ESRRG: variants seen among roughly 807,000 people sequenced by gnomAD.
ESRRG encodes estrogen related receptor gamma.
Under a neutral mutation model 44.0 loss-of-function variants are expected in ESRRG, and 13 were observed. The ratio of observed to expected loss-of-function variants is 0.30; its 90% CI spans 0.19 to 0.47. The LOEUF (loss-of-function observed/expected upper bound fraction) is 0.47, where lower values mean the gene tolerates loss of function less well. Among genes scored for constraint, ESRRG ranks in the 20% least tolerant of loss-of-function variants. The pLI is 1.00. For missense variants in ESRRG, 395 were observed against 580.6 expected (o/e 0.68, Z 3.29); for synonymous variants, 215 against 214.6 (o/e 1.00, Z -0.02).
chr1:216,773,803 T>C (rs1351804934), intron 2 of ESRRG, among the ~76,000 whole-genome samples: 3 of 152,126 alleles, frequency 2.0e-5, no homozygotes, highest in Admixed American at 1.3e-4. Context: ...GATCATGCAC[T>C]TTTAGAAATG....
intron 5 of ESRRG, among the ~76,000 whole-genome samples, chr1:216,526,048 AAG>A (rs2047552912): frequency 6.6e-6 from 1 of 152,178 alleles, no homozygotes; most frequent in Non-Finnish European, 1.5e-5. Context: ...CAAGCCTTTA[AAG>A]AGTCTGTGGA....
At chr1:217,122,664 CTT>C (rs10716545) in intron 1 of ESRRG, among the ~76,000 whole-genome samples, 9,826 of 87,140 alleles carry the variant, frequency 0.11, 305 homozygotes, top group Non-Finnish European at 0.14. Context: ...GACACACACA[CTT>C]TTTTTTTTTT....
intron 1 of ESRRG, among the ~76,000 whole-genome samples, chr1:217,017,478 CAAA>C (rs55820027): frequency 8.5e-5 from 7 of 82,488 alleles, no homozygotes; most frequent in African/African-American, 4.5e-5. Flanking sequence ...CTACATAACT[CAAA>C]AAAAAAAAAA....
At chr1:216,564,123 C>T in intron 5 of ESRRG, 96 bp downstream of exon 5, 1 of 682,532 alleles carries the variant, frequency 1.5e-6, no homozygotes. Context: ...TTTTTTAAGT[C>T]TAAATGAGAA....
intron 3 of ESRRG, among the ~76,000 whole-genome samples, chr1:216,575,905 G>C (rs2061604155): frequency 6.6e-6 from 1 of 152,048 alleles, no homozygotes. Flanking sequence ...TTACTCAAAA[G>C]GGCTAGGCGA....
intron 3 of ESRRG, among the ~76,000 whole-genome samples, chr1:216,593,737 C>CT (rs1163216280): frequency 6.6e-6 from 1 of 152,150 alleles, no homozygotes; most frequent in Admixed American, 6.6e-5. Flanking sequence ...TTCATACTGA[C>CT]TTTTTGTGTG....
chr1:216,716,380 T>G (rs1243673639), intron 1 of ESRRG, among the ~76,000 whole-genome samples: 1 of 152,036 alleles, frequency 6.6e-6, no homozygotes, highest in African/African-American at 2.4e-5. Flanking sequence ...CAATCTGATA[T>G]GAGAATTTAT....
At chr1:217,040,157 G>C (rs2083585315) in intron 1 of ESRRG, among the ~76,000 whole-genome samples, 1 of 152,152 alleles carries the variant, frequency 6.6e-6, no homozygotes, top group African/African-American at 2.4e-5. Context: ...TGGTTCATAA[G>C]AACTATGTTG....
At chr1:216,569,493 C>T (rs759855985) in intron 3 of ESRRG, among the ~76,000 whole-genome samples, 8 of 151,928 alleles carry the variant, frequency 5.3e-5, no homozygotes, top group Non-Finnish European at 1.2e-4. Flanking sequence ...AGGAAAAAGC[C>T]AAGGGAATGA....
At chr1:216,978,469 G>T (rs1212818097) in intron 1 of ESRRG, among the ~76,000 whole-genome samples, 2 of 152,150 alleles carry the variant, frequency 1.3e-5, no homozygotes, top group African/African-American at 2.4e-5. Flanking sequence ...GTTTCACACA[G>T]AGAATAAAAT....
intron 2 of ESRRG, among the ~76,000 whole-genome samples, chr1:216,897,986 C>T (rs1307942746): frequency 6.6e-6 from 1 of 152,160 alleles, no homozygotes; most frequent in Non-Finnish European, 1.5e-5. Flanking sequence ...ATACGATAGG[C>T]TTTCCTCATC....
At chr1:216,681,220 C>A (rs2076977094) in intron 1 of ESRRG, among the ~76,000 whole-genome samples, 1 of 152,068 alleles carries the variant, frequency 6.6e-6, no homozygotes, top group Non-Finnish European at 1.5e-5. Context: ...CTGAATGAAC[C>A]CCCTGAGAAT....
intron 1 of ESRRG, among the ~76,000 whole-genome samples, chr1:216,960,890 C>T (rs1378195840): frequency 6.6e-6 from 1 of 152,094 alleles, no homozygotes; most frequent in Non-Finnish European, 1.5e-5. Context: ...CAGGCCTGGC[C>T]CAGTTCCTTC....
At chr1:216,569,261 G>GAGGAAGGAAAGAAGGA (rs1461755137) in intron 3 of ESRRG, among the ~76,000 whole-genome samples, 1 of 141,408 alleles carries the variant, frequency 7.1e-6, no homozygotes, top group Non-Finnish European at 1.5e-5. Context: ...GGAAAGGAGG[G>GAGGAAGGAAAGAAGGA]AGGAAGGAAA....
intron 6 of ESRRG, among the ~76,000 whole-genome samples, chr1:216,514,077 T>C (rs1441365158): frequency 2.6e-5 from 4 of 152,130 alleles, no homozygotes. Context: ...GCCAAAGCTA[T>C]TTGCAGCAAA....
intron 1 of ESRRG, among the ~76,000 whole-genome samples, chr1:216,957,909 C>T (rs2068265216): frequency 6.6e-6 from 1 of 152,122 alleles, no homozygotes; most frequent in Admixed American, 6.6e-5. Flanking sequence ...TCCTATCATC[C>T]CCAAAAGTTT....
chr1:216,900,479 T>TA (rs1476977792), intron 2 of ESRRG, among the ~76,000 whole-genome samples: 1 of 152,182 alleles, frequency 6.6e-6, no homozygotes, highest in Non-Finnish European at 1.5e-5. Flanking sequence ...CTGAAGCACT[T>TA]AGAGAATTGA....
chr1:216,532,177 C>A (rs747903487), intron 5 of ESRRG, among the ~76,000 whole-genome samples: 1 of 151,458 alleles, frequency 6.6e-6, no homozygotes, highest in East Asian at 2.0e-4. Flanking sequence ...AATTAGCCAT[C>A]GGCAGACTCT....
chr1:217,012,305 C>G (rs1356481993), intron 1 of ESRRG, among the ~76,000 whole-genome samples: 1 of 151,766 alleles, frequency 6.6e-6, no homozygotes, highest in Non-Finnish European at 1.5e-5. Context: ...GTGTTTATGC[C>G]CATAAGAGGT....
Sources: gnomAD v4.1 joint callset for allele counts (sites outside exome capture counted in the v4.1 genomes callset) on GRCh38, gnomAD v4.1.1 for gene constraint, MANE v1.5 for transcripts, NCBI Gene and HGNC (gene_info 2026-07-23, HGNC 2026-07-21) for gene names.